IQCM: variants seen among roughly 807,000 people sequenced by gnomAD.
IQCM encodes IQ domain-containing protein M.
Under a neutral mutation model 57.6 loss-of-function variants are expected in IQCM, and 45 were observed. The ratio of observed to expected loss-of-function variants is 0.78; its 90% CI spans 0.62 to 1.00. IQCM has a LOEUF of 1.00. IQCM is among the 50% of genes least tolerant of loss of function. The pLI, the probability that IQCM is intolerant of heterozygous loss-of-function variation, is 0.00. For missense variants in IQCM, 468 were observed against 511.6 expected (o/e 0.91, Z 0.82); for synonymous variants, 148 against 158.9 (o/e 0.93, Z 0.51).
chr4:149,411,014 T>C (rs1481286536), intron 13 of IQCM, among the ~76,000 whole-genome samples: 1 of 152,160 alleles, frequency 6.6e-6, no homozygotes, highest in African/African-American at 2.4e-5. Context: ...CTTGTGTTTC[T>C]AAAAGCTAAG....
chr4:149,601,270 A>T (rs1754267534), intron 8 of IQCM, among the ~76,000 whole-genome samples: 1 of 152,142 alleles, frequency 6.6e-6, no homozygotes, highest in Non-Finnish European at 1.5e-5. Flanking sequence ...CCCATGGACA[A>T]CACATAGAGT....
chr4:149,558,495 T>C (rs988965163), intron 10 of IQCM, among the ~76,000 whole-genome samples: 4 of 152,148 alleles, frequency 2.6e-5, no homozygotes, highest in African/African-American at 7.2e-5. Flanking sequence ...AAAATTTCTG[T>C]TTTTAGGGGG....
chr4:149,765,917 G>A (rs1770001967), intron 2 of IQCM, among the ~76,000 whole-genome samples: 1 of 151,870 alleles, frequency 6.6e-6, no homozygotes, highest in Non-Finnish European at 1.5e-5. Context: ...TCGCACCCAA[G>A]AAATTTTTTG....
intron 13 of IQCM, among the ~76,000 whole-genome samples, chr4:149,399,597 T>C (rs935158886): frequency 1.3e-5 from 2 of 152,094 alleles, no homozygotes; most frequent in African/African-American, 2.4e-5. Flanking sequence ...AAAAGTACCA[T>C]TTCTTTGCCC....
At chr4:149,727,819 A>G (rs1311947262) in intron 5 of IQCM, among the ~76,000 whole-genome samples, 1 of 152,140 alleles carries the variant, frequency 6.6e-6, no homozygotes, top group African/African-American at 2.4e-5. Context: ...TGAGCCCAAG[A>G]GGATTTCAGG....
rs911681783 is a variant in IQCM, at chr4:149,364,952, C to T, written c.1391-12886G>A. On this transcript the variant is annotated intron_variant, in intron 13 of 13. Transcript: ENST00000636793. ...GAAACTGGAGGCTAAAGACAAAATG[C>T]ACATGGATACAGATGGATTATATAT... Among the ~76,000 whole-genome samples, 8 of 151,888 alleles carry T rather than the reference C, an allele frequency of 5.3e-5. No homozygotes were observed. In the East Asian group the frequency reaches 5.8e-4, roughly 11 times the overall value.
intron 5 of IQCM, among the ~76,000 whole-genome samples, chr4:149,732,079 C>A (rs1327760165): frequency 2.0e-5 from 3 of 152,130 alleles, no homozygotes; most frequent in South Asian, 2.1e-4. Context: ...TTTCTGCTGC[C>A]AGTTTTATTT....
chr4:149,750,939 A>G (rs1344468064), intron 2 of IQCM, among the ~76,000 whole-genome samples: 1 of 152,238 alleles, frequency 6.6e-6, no homozygotes, highest in African/African-American at 2.4e-5. Flanking sequence ...TGAGCAAATC[A>G]TGAAATATTG....
intron 13 of IQCM, among the ~76,000 whole-genome samples, chr4:149,412,747 G>A (rs1274672894): frequency 1.3e-5 from 2 of 152,254 alleles, no homozygotes; most frequent in East Asian, 3.9e-4. Context: ...AGAGGAGGCA[G>A]CAACTACAGA....
chr4:149,520,950 A>G (rs1324472164), intron 12 of IQCM, among the ~76,000 whole-genome samples: 1 of 151,868 alleles, frequency 6.6e-6, no homozygotes, highest in Non-Finnish European at 1.5e-5. Flanking sequence ...GCACAGCAAC[A>G]CTCTGCTGGT....
intron 13 of IQCM, among the ~76,000 whole-genome samples, chr4:149,387,022 T>C (rs991132789): frequency 6.6e-6 from 1 of 152,052 alleles, no homozygotes; most frequent in African/African-American, 2.4e-5. Context: ...AAAATAGATA[T>C]GGATTCGATT....
At chr4:149,583,589 A>G (rs1561020577) in intron 9 of IQCM, among the ~76,000 whole-genome samples, 1 of 151,650 alleles carries the variant, frequency 6.6e-6, no homozygotes, top group Non-Finnish European at 1.5e-5. Context: ...AAAAAAATAC[A>G]TCAAAAGAGT....
intron 13 of IQCM, among the ~76,000 whole-genome samples, chr4:149,368,550 C>T (rs1432576552): frequency 6.6e-6 from 1 of 151,298 alleles, no homozygotes; most frequent in Non-Finnish European, 1.5e-5. Context: ...AGCTATGCAT[C>T]CAGGTTTATA....
chr4:149,467,083 A>C (rs561683319), intron 12 of IQCM, among the ~76,000 whole-genome samples: 1 of 152,310 alleles, frequency 6.6e-6, no homozygotes, highest in African/African-American at 2.4e-5. Context: ...CCATAGCACA[A>C]ATTTAATAAT....
At chr4:149,355,290 C>T (rs147852450) in intron 13 of IQCM, among the ~76,000 whole-genome samples, 2,830 of 151,856 alleles carry the variant, frequency 0.019, 106 homozygotes, top group African/African-American at 0.065. Flanking sequence ...ATGTACAGAA[C>T]GTGCAGGTTT....
At chr4:149,748,384 T>G (rs766607238) in intron 2 of IQCM, among the ~76,000 whole-genome samples, 3 of 152,242 alleles carry the variant, frequency 2.0e-5, no homozygotes, top group Non-Finnish European at 4.4e-5. Context: ...ACATGAAATA[T>G]TTAAATCTTT....
intron 7 of IQCM, among the ~76,000 whole-genome samples, chr4:149,654,116 G>A (rs150733011): frequency 1.3e-5 from 2 of 152,170 alleles, no homozygotes; most frequent in Non-Finnish European, 2.9e-5. Context: ...ACACAAGTTA[G>A]GGAAGATAAT....
chr4:149,420,097 A>T (rs1341716337), intron 13 of IQCM, among the ~76,000 whole-genome samples: 1 of 152,090 alleles, frequency 6.6e-6, no homozygotes, highest in Non-Finnish European at 1.5e-5. Flanking sequence ...TTCTTCAAAG[A>T]TCTAGAACCA....
intron 6 of IQCM, among the ~76,000 whole-genome samples, chr4:149,682,515 C>A (rs17625209): frequency 0.023 from 3,414 of 151,056 alleles, 100 homozygotes; most frequent in South Asian, 0.14. Context: ...CAGTGTTTTG[C>A]AAGAGATTTT....
Sources: gnomAD v4.1 joint callset for allele counts (sites outside exome capture counted in the v4.1 genomes callset) on GRCh38, gnomAD v4.1.1 for gene constraint, MANE v1.5 for transcripts, NCBI Gene and HGNC (gene_info 2026-07-23, HGNC 2026-07-21) for gene names.